The following NKAIN2 variants were observed in gnomAD, a reference collection of about 807,000 sequenced individuals.
The protein encoded by NKAIN2 is sodium/potassium transporting ATPase interacting 2, also known as sodium/potassium-transporting ATPase subunit beta-1-interacting protein 2.
In NKAIN2, 14 loss-of-function variants were observed where a neutral mutation model predicts 32.6. The ratio of observed to expected loss-of-function variants is 0.43; its 90% CI spans 0.28 to 0.67. The LOEUF (loss-of-function observed/expected upper bound fraction) is 0.67. Ranked by LOEUF, NKAIN2 falls within the 30% of genes least tolerant of loss-of-function variation. NKAIN2 has a pLI of 0.17. For missense variants in NKAIN2, 198 were observed against 258.3 expected (o/e 0.77, Z 1.60); for synonymous variants, 80 against 87.2 (o/e 0.92, Z 0.46).
rs192579203 is a variant in NKAIN2, at chr6:124,617,016, C to T, written c.274-41170C>T. On this transcript the variant is annotated intron_variant, in intron 3 of 6. Coordinates refer to ENST00000368417, the MANE Select transcript of NKAIN2 (RefSeq NM_001040214.3). ...ATGTGTTATAATGGAAGAAGACAGC[C>T]TTTGGAGCCAGGTTAGTTTGAGTTC... Among the ~76,000 whole-genome samples, 46 of 152,298 alleles carry T rather than the reference C, an allele frequency of 3.0e-4. 1 individual carries two copies. The highest frequency in any genetic ancestry group is 2.7e-3 in the Admixed American group (42 of 15,294).
chr6:123,907,530 A>T (rs1263949168), intron 1 of NKAIN2, among the ~76,000 whole-genome samples: 3 of 152,164 alleles, frequency 2.0e-5, no homozygotes, highest in Admixed American at 1.3e-4. Flanking sequence ...CTGGAACCCC[A>T]GTTTTCCATG....
intron 1 of NKAIN2, among the ~76,000 whole-genome samples, chr6:124,166,361 GTTGT>G (rs1198268395): frequency 6.6e-6 from 1 of 152,112 alleles, no homozygotes; most frequent in Non-Finnish European, 1.5e-5. Context: ...TGTTGATGGG[GTTGT>G]TTGTTTTTTT....
intron 1 of NKAIN2, among the ~76,000 whole-genome samples, chr6:124,250,425 A>T (rs1284486381): frequency 6.6e-6 from 1 of 152,148 alleles, no homozygotes; most frequent in Non-Finnish European, 1.5e-5. Context: ...TGGACTCCAA[A>T]TACAAAGGGA....
intron 1 of NKAIN2, among the ~76,000 whole-genome samples, chr6:124,007,114 A>G (rs1221784476): frequency 1.3e-5 from 2 of 152,166 alleles, no homozygotes; most frequent in Non-Finnish European, 2.9e-5. Context: ...CTACCAGGCT[A>G]CAGATCTGTA....
intron 3 of NKAIN2, among the ~76,000 whole-genome samples, chr6:124,569,350 A>AT (rs1781039184): frequency 1.3e-5 from 2 of 151,670 alleles, no homozygotes; most frequent in Non-Finnish European, 2.9e-5. Flanking sequence ...ATTTTTCCTT[A>AT]TTTTTGCTTA....
chr6:124,522,763 G>T (rs1357830416), intron 3 of NKAIN2, among the ~76,000 whole-genome samples: 11 of 152,060 alleles, frequency 7.2e-5, no homozygotes, highest in Non-Finnish European at 1.6e-4. Flanking sequence ...AAATCAAGAT[G>T]GAAAATCTAT....
At chr6:124,816,392 A>C (rs1460509058) in intron 5 of NKAIN2, among the ~76,000 whole-genome samples, 1 of 152,186 alleles carries the variant, frequency 6.6e-6, no homozygotes, top group Non-Finnish European at 1.5e-5. Flanking sequence ...AGAATGTACA[A>C]CACCAAGAAT....
chr6:124,713,022 A>G (rs1469877049), intron 4 of NKAIN2, among the ~76,000 whole-genome samples: 1 of 152,124 alleles, frequency 6.6e-6, no homozygotes, highest in African/African-American at 2.4e-5. Flanking sequence ...AGTACAGATG[A>G]AAGGAGAGCA....
chr6:124,006,790 TA>T (rs1262325723), intron 1 of NKAIN2, among the ~76,000 whole-genome samples: 1 of 152,164 alleles, frequency 6.6e-6, no homozygotes, highest in African/African-American at 2.4e-5. Flanking sequence ...CATGGACTAT[TA>T]GGGGAGCAAC....
At chr6:123,997,259 T>G (rs1430524491) in intron 1 of NKAIN2, among the ~76,000 whole-genome samples, 2 of 152,236 alleles carry the variant, frequency 1.3e-5, no homozygotes, top group Non-Finnish European at 2.9e-5. Flanking sequence ...CAATTTCTCT[T>G]GCAATATTCT....
At chr6:124,157,215 T>C (rs1211283220) in intron 1 of NKAIN2, among the ~76,000 whole-genome samples, 1 of 149,196 alleles carries the variant, frequency 6.7e-6, no homozygotes. Flanking sequence ...TGAAATTAAT[T>C]ATGTATGGGA....
chr6:124,033,774 T>C (rs1781499106), intron 1 of NKAIN2, among the ~76,000 whole-genome samples: 1 of 152,158 alleles, frequency 6.6e-6, no homozygotes, highest in African/African-American at 2.4e-5. Flanking sequence ...ATGGTCTTCT[T>C]ATAAAATGGG....
chr6:124,173,871 T>A (rs955435165), intron 1 of NKAIN2, among the ~76,000 whole-genome samples: 2 of 152,018 alleles, frequency 1.3e-5, no homozygotes, highest in Non-Finnish European at 2.9e-5. Flanking sequence ...CTCTTCAGAG[T>A]AAAGTTTTGA....
intron 4 of NKAIN2, among the ~76,000 whole-genome samples, chr6:124,783,347 A>C (rs958057942): frequency 6.6e-6 from 1 of 152,178 alleles, no homozygotes; most frequent in East Asian, 1.9e-4. Flanking sequence ...CTATTTCCCA[A>C]CTTAAATAGA....
At chr6:123,825,194 C>T (rs1774096777) in intron 1 of NKAIN2, among the ~76,000 whole-genome samples, 1 of 152,100 alleles carries the variant, frequency 6.6e-6, no homozygotes, top group African/African-American at 2.4e-5. Flanking sequence ...ACCTCATCAC[C>T]TCACACAGGC....
chr6:124,489,829 A>G (rs1164435084), intron 3 of NKAIN2, among the ~76,000 whole-genome samples: 2 of 151,834 alleles, frequency 1.3e-5, no homozygotes, highest in African/African-American at 4.8e-5. Context: ...ATTTTTTAAC[A>G]TGGTATATAA....
intron 1 of NKAIN2, among the ~76,000 whole-genome samples, chr6:124,164,788 G>C (rs138323813): frequency 2.0e-5 from 3 of 151,906 alleles, no homozygotes; most frequent in African/African-American, 7.3e-5. Flanking sequence ...CAAGTGGATC[G>C]CCACAAAACC....
intron 1 of NKAIN2, among the ~76,000 whole-genome samples, chr6:123,868,376 G>A (rs1018892669): frequency 6.6e-6 from 1 of 152,162 alleles, no homozygotes; most frequent in Non-Finnish European, 1.5e-5. Flanking sequence ...CATAAATTAA[G>A]CTTCACAGGA....
At chr6:124,538,788 C>T (rs1488175237) in intron 3 of NKAIN2, among the ~76,000 whole-genome samples, 1 of 152,044 alleles carries the variant, frequency 6.6e-6, no homozygotes, top group Non-Finnish European at 1.5e-5. Flanking sequence ...TTCTAGTATA[C>T]TAATTTTCTC....
Sources: allele counts gnomAD v4.1 joint callset (sites outside exome capture counted in the v4.1 genomes callset), GRCh38; gene constraint gnomAD v4.1.1; transcripts MANE v1.5; gene names NCBI Gene and HGNC (gene_info 2026-07-23, HGNC 2026-07-21).